Variants in ZNF723 observed in about 807,000 individuals in gnomAD.
ZNF723 encodes the protein zinc finger protein 723.
ZNF723 carries 5 observed loss-of-function variants against 9.4 expected under a neutral mutation model. The observed-to-expected ratio is 0.53, with a 90% confidence interval of 0.28 to 1.12. The LOEUF (loss-of-function observed/expected upper bound fraction) is 1.12, where lower values mean the gene tolerates loss of function less well. Among genes scored for constraint, ZNF723 ranks in the 50% most tolerant of loss-of-function variants. The pLI, the probability that ZNF723 is intolerant of heterozygous loss-of-function variation, is 0.10. For missense variants in ZNF723, 450 were observed against 501.5 expected (o/e 0.90, Z 0.98); for synonymous variants, 158 against 168.8 (o/e 0.94, Z 0.49).
At chr19:22,845,468 T>C (rs1315858538) in intron 1 of ZNF723, among the ~76,000 whole-genome samples, 1 of 152,150 alleles carries the variant, frequency 6.6e-6, no homozygotes, top group Non-Finnish European at 1.5e-5. Flanking sequence ...GAATCACTTA[T>C]GAGGGGTTGA....
chr19:22,818,746 C>T, the ZNF723 span, among the ~76,000 whole-genome samples: 1 of 152,206 alleles, frequency 6.6e-6, no homozygotes, highest in Non-Finnish European at 1.5e-5. Flanking sequence ...GGACCCAGCA[C>T]CTAGGTGATG....
At chr19:22,814,976 C>T in the ZNF723 span, among the ~76,000 whole-genome samples, 1 of 152,024 alleles carries the variant, frequency 6.6e-6, no homozygotes, top group African/African-American at 2.4e-5. Context: ...TATGATTTTT[C>T]TCTCCTACCT....
In ZNF723 at chr19:22,849,201, TTG is replaced by T. The variant is rs1967357525; in HGVS notation, c.135_136del (p.Gly46CysfsTer3). On this transcript the variant is annotated frameshift_variant, in exon 3 of 4. Transcript: ENST00000600766. LOFTEE classifies it high-confidence loss of function. ...TTATTTATTTTTAATAAAACAGGTG[TTG>T]GTGTCTCTAAGCCAGATTTAATCAC... 1 of 598,516 alleles carries T rather than the reference TTG, an allele frequency of 1.7e-6. No individual in the cohort carries two copies. Among genetic ancestry groups the T allele is most frequent in the Non-Finnish European group, 3.0e-6 (1 of 330,808 alleles). The allele number at this position is 598,516 out of a possible 1,614,324, so 37.1% of individuals were successfully genotyped here. A position where few individuals can be genotyped will look rare whatever the true frequency, so the allele number is the denominator to read the frequency against.
chr19:22,838,630 C>T (rs1377496817), intron 1 of ZNF723, among the ~76,000 whole-genome samples: 1 of 151,984 alleles, frequency 6.6e-6, no homozygotes, highest in Non-Finnish European at 1.5e-5. Flanking sequence ...ATAGTTTCAT[C>T]CATGTTGCTG....
At chr19:22,832,513 C>G (rs1440311564) in intron 1 of ZNF723, 131 bp downstream of exon 1, 2 of 1,023,336 alleles carry the variant, frequency 2.0e-6, no homozygotes, top group Middle Eastern at 2.3e-4. Flanking sequence ...TAGCCTGGCC[C>G]GGCCTCAGAC....
At chr19:22,849,333 C>T (rs998028746) in intron 3 of ZNF723, 40 bp downstream of exon 3, 8 of 511,614 alleles carry the variant, frequency 1.6e-5, no homozygotes, top group East Asian at 1.5e-4. Flanking sequence ...ACAGATAAGA[C>T]GTCCAAAGGT....
chr19:22,845,387 GGTT>G (rs1967294986), intron 1 of ZNF723, among the ~76,000 whole-genome samples: 1 of 151,986 alleles, frequency 6.6e-6, no homozygotes, highest in East Asian at 1.9e-4. Flanking sequence ...CCTTTCCACG[GGTT>G]CTTTTTATTG....
intron 1 of ZNF723, chr19:22,840,870 G>T (rs1967234953): frequency 1.3e-5 from 2 of 152,394 alleles, no homozygotes; most frequent in Admixed American, 1.3e-4. Flanking sequence ...CCATTATCGT[G>T]AAGGTGCAGT....
At chr19:22,851,668 C>T (rs1967397226) in intron 3 of ZNF723, among the ~76,000 whole-genome samples, 1 of 152,110 alleles carries the variant, frequency 6.6e-6, no homozygotes, top group African/African-American at 2.4e-5. Context: ...GCCTGGCCAC[C>T]ATGTAGCATT....
chr19:22,855,807 T>C (rs981869140), intron 3 of ZNF723, among the ~76,000 whole-genome samples: 3 of 152,174 alleles, frequency 2.0e-5, no homozygotes, highest in Non-Finnish European at 4.4e-5. Context: ...ATACATCACT[T>C]TTTTCTTGCA....
chr19:22,813,162 C>T, the ZNF723 span, among the ~76,000 whole-genome samples: 29,077 of 151,872 alleles, frequency 0.19, 2,718 homozygotes, highest in African/African-American at 0.23. Flanking sequence ...TTAGTAGAGA[C>T]GGAGTTTCAC....
At chr19:22,831,563 A>T (rs1041413077), upstream of ZNF723, among the ~76,000 whole-genome samples, 1 of 151,908 alleles carries the variant, frequency 6.6e-6, no homozygotes, top group Admixed American at 6.6e-5. Context: ...TATCAAAAAA[A>T]AAAAATTAAA....
chr19:22,828,455 C>A (rs187103198), upstream of ZNF723, among the ~76,000 whole-genome samples: 185 of 152,126 alleles, frequency 1.2e-3, no homozygotes, highest in Middle Eastern at 3.4e-3. Context: ...GAGATGGAGA[C>A]CATCATGGCC....
upstream of ZNF723, among the ~76,000 whole-genome samples, chr19:22,830,726 G>C: frequency 6.6e-6 from 1 of 152,126 alleles, no homozygotes; most frequent in Non-Finnish European, 1.5e-5. Context: ...AAAAAAGGCA[G>C]AATAATATTG....
At chr19:22,850,241 T>C (rs950903239) in intron 3 of ZNF723, among the ~76,000 whole-genome samples, 2 of 152,124 alleles carry the variant, frequency 1.3e-5, no homozygotes, top group Non-Finnish European at 2.9e-5. Flanking sequence ...AGTTTTGCTC[T>C]TGTTGCCCAG....
At chr19:22,839,717 C>T (rs911701492) in intron 1 of ZNF723, among the ~76,000 whole-genome samples, 4 of 151,950 alleles carry the variant, frequency 2.6e-5, no homozygotes, top group Non-Finnish European at 5.9e-5. Context: ...TCAAGTGATC[C>T]ACCCATCTCG....
the ZNF723 span, among the ~76,000 whole-genome samples, chr19:22,822,207 A>T: frequency 6.6e-6 from 1 of 152,270 alleles, no homozygotes. Context: ...TCTCACAGGC[A>T]TACCAAGCCA....
rs562497527 is a variant in ZNF723, at chr19:22,837,836, T to C, written c.3+5454T>C. On this transcript the variant is annotated intron_variant, in intron 1 of 3. Transcript: ENST00000600766. ...TGTTTTTTGCCAAAATCCCACAAAA[T>C]TGTCTACAAATTTTTGGCATATCCC... Among the ~76,000 whole-genome samples the C allele has an allele frequency of 2.0e-5, 3 of 152,244 alleles. No homozygotes were observed. In the East Asian group the frequency reaches 5.8e-4, roughly 29 times the overall value.
rs1219629718 is a variant in ZNF723, at chr19:22,857,249, G to A, written c.358G>A (p.Val120Met). 2.7e-5 allele frequency: 23 copies of A among 839,902 alleles called. No individual in the cohort carries two copies. The highest frequency in any genetic ancestry group is 4.7e-5 in the Non-Finnish European group (23 of 484,660). The allele number at this position is 839,902 out of a possible 1,614,324, so 52.0% of individuals were successfully genotyped here. Residue 120 changes from valine (V) to methionine (M), a missense_variant, in exon 4 of 4, where the codon GTG becomes ATG. By Grantham distance (21) the Val-to-Met change is conservative. Around this residue, in one of 5 missense-constraint regions of ZNF723, gnomAD observed 143 missense variants for 101.3 expected, o/e 1.41. Transcript: ENST00000600766. ...ACAATTAAGAAAAGGCTGTGAAAGT[G>A]TGGATGAGTGTAAGATGCACAAAGG... is the stretch of plus-strand genomic sequence containing the variant. ...NLQLRKGCES[V>M]DECKMHKGGY...
Sources: gnomAD v4.1 joint callset for allele counts (sites outside exome capture counted in the v4.1 genomes callset) on GRCh38, gnomAD v4.1.1 for gene constraint, gnomAD v4.1.1 regional missense constraint, MANE v1.5 for transcripts, NCBI Gene and HGNC (gene_info 2026-07-23, HGNC 2026-07-21) for gene names.